Variants in SLC25A13 observed in about 807,000 individuals in gnomAD.
The protein encoded by SLC25A13 is solute carrier family 25 member 13, also known as electrogenic aspartate/glutamate antiporter SLC25A13, mitochondrial.
Under a neutral mutation model 85.5 loss-of-function variants are expected in SLC25A13, and 70 were observed. The observed-to-expected ratio is 0.82, with a 90% confidence interval of 0.68 to 1.00. The LOEUF (loss-of-function observed/expected upper bound fraction) is 1.00, where lower values mean the gene tolerates loss of function less well. Ranked by LOEUF, SLC25A13 falls within the 50% of genes least tolerant of loss-of-function variation. The pLI is 0.00. For synonymous variants in SLC25A13, 259 were observed against 288.7 expected, an observed-to-expected ratio of 0.90 and a Z score of 1.04; for missense variants, 765 against 819.8, an observed-to-expected ratio of 0.93 and a Z score of 0.82.
At chr7:96,273,946 G>A (rs1387060272) in intron 3 of SLC25A13, among the ~76,000 whole-genome samples, 2 of 152,156 alleles carry the variant, frequency 1.3e-5, no homozygotes, top group African/African-American at 2.4e-5. Context: ...ATGAACTAGT[G>A]TGAAATATAG....
chr7:96,258,579 G>A (rs1164340605), intron 3 of SLC25A13, among the ~76,000 whole-genome samples: 2 of 152,088 alleles, frequency 1.3e-5, no homozygotes, highest in African/African-American at 4.8e-5. Flanking sequence ...ACAAACAAAT[G>A]GAAAAACATT....
intron 3 of SLC25A13, among the ~76,000 whole-genome samples, chr7:96,270,549 C>T (rs1045276023): frequency 1.4e-5 from 2 of 147,612 alleles, no homozygotes; most frequent in Non-Finnish European, 3.0e-5. Context: ...AGCAAGACTC[C>T]ATCTCCAAAA....
chr7:96,244,485 A>C (rs1028374555), intron 3 of SLC25A13, among the ~76,000 whole-genome samples: 1 of 152,262 alleles, frequency 6.6e-6, no homozygotes, highest in Non-Finnish European at 1.5e-5. Flanking sequence ...TAAGGTGGAC[A>C]GAAGCTGAGT....
rs1254315186 is a variant in SLC25A13 at position 96,306,352 on chromosome 7, C to A, written c.16-9401G>T. 2.0e-5 allele frequency among the ~76,000 whole-genome samples: 3 copies of A among 152,346 alleles called. No individual in the cohort carries two copies. The East Asian group carries it at 5.8e-4, about 29-fold the overall frequency. ...CAGGGAGCTTCCCATTTCAGATACA[C>A]CTGTGGTTATGACAGCCCAGTGCTT... On this transcript the variant is annotated intron_variant, in intron 1 of 17. Transcript: ENST00000265631.
intron 4 of SLC25A13, among the ~76,000 whole-genome samples, chr7:96,210,537 C>T (rs904550494): frequency 2.6e-5 from 4 of 152,086 alleles, no homozygotes; most frequent in Non-Finnish European, 4.4e-5. Flanking sequence ...GGGCACTCAC[C>T]ATGTGCCAAG....
intron 7 of SLC25A13, 80 bp from the exon 8 acceptor site, chr7:96,189,754 T>C (rs1794776520): frequency 9.1e-7 from 1 of 1,094,926 alleles, no homozygotes; most frequent in Non-Finnish European, 1.4e-6. Flanking sequence ...GGCACTGGAA[T>C]GAGTGAACAT....
chr7:96,272,413 C>A (rs772512719), intron 3 of SLC25A13, among the ~76,000 whole-genome samples: 33 of 152,286 alleles, frequency 2.2e-4, no homozygotes, highest in Non-Finnish European at 2.2e-4. Context: ...TATTTCCCAG[C>A]TCTTTTCACT....
intron 4 of SLC25A13, among the ~76,000 whole-genome samples, chr7:96,224,005 T>C (rs1319949059): frequency 6.6e-6 from 1 of 152,074 alleles, no homozygotes; most frequent in Non-Finnish European, 1.5e-5. Context: ...AGGTACTCTT[T>C]CTTAAAACCC....
At chr7:96,269,335 G>A (rs767579334) in intron 3 of SLC25A13, among the ~76,000 whole-genome samples, 2 of 152,164 alleles carry the variant, frequency 1.3e-5, no homozygotes, top group Non-Finnish European at 2.9e-5. Context: ...TGTTAAGGCC[G>A]TAAGTGCACA....
At chr7:96,183,883 C>CT (rs1189016663) in intron 11 of SLC25A13, among the ~76,000 whole-genome samples, 3 of 152,132 alleles carry the variant, frequency 2.0e-5, no homozygotes, top group South Asian at 2.1e-4. Flanking sequence ...CCTTCGTTAT[C>CT]TTTTTTGTGG....
At chr7:96,220,342 T>C (rs1047666062) in intron 4 of SLC25A13, among the ~76,000 whole-genome samples, 1 of 152,242 alleles carries the variant, frequency 6.6e-6, no homozygotes, top group Non-Finnish European at 1.5e-5. Context: ...ACTACAAATG[T>C]ACACCCACAG....
chr7:96,264,330 A>G (rs1247842325), intron 3 of SLC25A13, among the ~76,000 whole-genome samples: 1 of 152,188 alleles, frequency 6.6e-6, no homozygotes, highest in African/African-American at 2.4e-5. Context: ...CCACTTCTAG[A>G]TAACTATGTA....
chr7:96,274,355 G>A (rs1170012566), intron 3 of SLC25A13, among the ~76,000 whole-genome samples: 1 of 152,138 alleles, frequency 6.6e-6, no homozygotes, highest in Non-Finnish European at 1.5e-5. Context: ...TGATGGCGCT[G>A]TTTGTTTTTT....
chr7:96,170,254 A>T, intron 12 of SLC25A13, 129 bp from the exon 13 acceptor site: 2 of 803,684 alleles, frequency 2.5e-6, no homozygotes, highest in Non-Finnish European at 4.2e-6. Context: ...AAATTGCACA[A>T]TTTAACAGAT....
intron 1 of SLC25A13, among the ~76,000 whole-genome samples, chr7:96,297,906 T>C (rs1053665488): frequency 1.3e-5 from 2 of 152,234 alleles, no homozygotes; most frequent in African/African-American, 4.8e-5. Context: ...TTGTGCTTAA[T>C]TCTGCAGGCC....
intron 3 of SLC25A13, among the ~76,000 whole-genome samples, chr7:96,260,053 G>A (rs922202112): frequency 4.0e-5 from 6 of 151,868 alleles, no homozygotes; most frequent in Middle Eastern, 3.4e-3. Context: ...GGGGCCTGTC[G>A]GGGGGTGGGG....
At chr7:96,289,472 G>A (rs1174514359) in intron 2 of SLC25A13, among the ~76,000 whole-genome samples, 1 of 152,258 alleles carries the variant, frequency 6.6e-6, no homozygotes, top group Admixed American at 6.5e-5. Flanking sequence ...GCTAAAGGAG[G>A]AAGTTCGAAC....
intron 1 of SLC25A13, among the ~76,000 whole-genome samples, chr7:96,305,633 A>G (rs1436745369): frequency 6.6e-6 from 1 of 152,236 alleles, no homozygotes; most frequent in African/African-American, 2.4e-5. Context: ...GATGGGGAAC[A>G]AAGGAATATA....
intron 4 of SLC25A13, among the ~76,000 whole-genome samples, chr7:96,222,735 C>T (rs975148734): frequency 1.3e-5 from 2 of 152,092 alleles, no homozygotes; most frequent in Admixed American, 1.3e-4. Flanking sequence ...TGAGCCACTG[C>T]GCCCGGCTCT....
Sources: gnomAD v4.1 joint callset for allele counts (sites outside exome capture counted in the v4.1 genomes callset) on GRCh38, gnomAD v4.1.1 for gene constraint, MANE v1.5 for transcripts, NCBI Gene and HGNC (gene_info 2026-07-23, HGNC 2026-07-21) for gene names.